Variants in RGS7 observed in about 807,000 individuals in gnomAD.
The protein encoded by RGS7 is regulator of G protein signaling 7.
A neutral mutation model predicts 81.1 loss-of-function variants in RGS7; 27 were observed. That is an observed-to-expected ratio of 0.33 (90% CI 0.25 to 0.46). The LOEUF is 0.46. Among genes scored for constraint, RGS7 ranks in the 20% least tolerant of loss-of-function variants. The pLI, the probability that RGS7 is intolerant of heterozygous loss-of-function variation, is 1.00. For synonymous variants in RGS7, 208 were observed against 207.7 expected (o/e 1.00, Z -0.01); for missense variants, 396 against 607.4 (o/e 0.65, Z 3.66).
intron 3 of RGS7, among the ~76,000 whole-genome samples, chr1:240,983,719 A>G (rs1335322839): frequency 6.6e-6 from 1 of 152,234 alleles, no homozygotes; most frequent in Non-Finnish European, 1.5e-5. Flanking sequence ...AGTACTGTCC[A>G]TGAAACCTCA....
chr1:240,912,344 A>G (rs1469326055), intron 6 of RGS7, among the ~76,000 whole-genome samples: 2 of 152,012 alleles, frequency 1.3e-5, no homozygotes, highest in Non-Finnish European at 2.9e-5. Flanking sequence ...GCAAATATCA[A>G]ATTAATTTGT....
intron 2 of RGS7, among the ~76,000 whole-genome samples, chr1:241,347,469 A>G (rs1228463077): frequency 6.6e-6 from 1 of 152,186 alleles, no homozygotes; most frequent in Non-Finnish European, 1.5e-5. Flanking sequence ...TAAAAAATAG[A>G]TTCCTTTTAT....
At chr1:241,289,875 G>A (rs1032072479) in intron 2 of RGS7, among the ~76,000 whole-genome samples, 2 of 152,026 alleles carry the variant, frequency 1.3e-5, no homozygotes, top group Admixed American at 6.6e-5. Flanking sequence ...GGAGATGAGG[G>A]CAAGCAGAAG....
chr1:241,321,427 C>T (rs2081204415), intron 2 of RGS7, among the ~76,000 whole-genome samples: 1 of 152,164 alleles, frequency 6.6e-6, no homozygotes, highest in South Asian at 2.1e-4. Context: ...GATCCCCCTT[C>T]CACCTCACTC....
intron 3 of RGS7, among the ~76,000 whole-genome samples, chr1:241,040,116 G>A (rs947844057): frequency 6.6e-6 from 1 of 152,160 alleles, no homozygotes; most frequent in African/African-American, 2.4e-5. Flanking sequence ...GTTTTTCCCT[G>A]CAGGAAAACT....
intron 2 of RGS7, among the ~76,000 whole-genome samples, chr1:241,323,428 C>A (rs1014687643): frequency 3.9e-5 from 6 of 152,260 alleles, no homozygotes; most frequent in African/African-American, 1.4e-4. Context: ...TCCTTCCTCC[C>A]TGACCCCGTT....
At chr1:240,971,673 C>T (rs1484635014) in intron 4 of RGS7, among the ~76,000 whole-genome samples, 1 of 152,190 alleles carries the variant, frequency 6.6e-6, no homozygotes, top group Non-Finnish European at 1.5e-5. Flanking sequence ...TAGGTCAAAT[C>T]AATCAATCTT....
Position 240,812,017 on chromosome 1 carries a change from T to A in RGS7, c.983A>T (p.Lys328Ile), listed in dbSNP as rs1689930886. 1.9e-6 allele frequency: 3 copies of A among 1,614,146 alleles called. No homozygotes were observed. Among genetic ancestry groups the A allele is most frequent in the Non-Finnish European group, 2.5e-6 (3 of 1,180,018 alleles). The change falls in exon 14 of 19, where the codon AAA (lysine) becomes ATA (isoleucine). Residue 328 changes from lysine (K) to isoleucine (I), a missense_variant. Physicochemically the swap from Lys to Ile is moderately radical, Grantham distance 102 (BLOSUM62 -3). Coordinates refer to ENST00000440928, the MANE Select transcript of RGS7 (RefSeq NM_001364886.1). The stretch of plus-strand genomic sequence containing the variant: ...CTCGTCCATGCCAAAACCCCATCGT[T>A]TTACCCTCTGCTGGCTCGGTTCTTT... ...ASKEPSQQRV[K>I]RWGFGMDEAL...
intron 2 of RGS7, among the ~76,000 whole-genome samples, chr1:241,215,675 T>C (rs1407454743): frequency 2.6e-5 from 4 of 152,330 alleles, no homozygotes; most frequent in Non-Finnish European, 5.9e-5. Context: ...CCAAGAGATA[T>C]TATTCGGGAA....
intron 9 of RGS7, among the ~76,000 whole-genome samples, chr1:240,849,641 C>T (rs980619204): frequency 6.6e-6 from 1 of 152,036 alleles, no homozygotes; most frequent in African/African-American, 2.4e-5. Flanking sequence ...AGTAAGTTCC[C>T]GAGAGATCTG....
intron 9 of RGS7, among the ~76,000 whole-genome samples, chr1:240,861,443 T>C (rs1662175929): frequency 6.6e-6 from 1 of 152,174 alleles, no homozygotes; most frequent in African/African-American, 2.4e-5. Flanking sequence ...TCATTTTCTA[T>C]CCAGTGATTG....
At chr1:241,346,229 T>G (rs1451134379) in intron 2 of RGS7, among the ~76,000 whole-genome samples, 1 of 152,162 alleles carries the variant, frequency 6.6e-6, no homozygotes, top group East Asian at 1.9e-4. Context: ...AAATAATTTA[T>G]ATCAGTCAGT....
chr1:241,205,076 A>ATTTT (rs10649310), intron 2 of RGS7, among the ~76,000 whole-genome samples: 6 of 126,028 alleles, frequency 4.8e-5, no homozygotes, highest in African/African-American at 8.9e-5. Context: ...TTCATTTGTG[A>ATTTT]TTTTTTTTTT....
At chr1:240,960,540 G>A (rs1313565601) in intron 4 of RGS7, among the ~76,000 whole-genome samples, 2 of 143,992 alleles carry the variant, frequency 1.4e-5, no homozygotes, top group Non-Finnish European at 3.0e-5. Flanking sequence ...CTGTGCCTGG[G>A]CTGTTCTTTT....
At chr1:241,174,849 C>T (rs564263813) in intron 2 of RGS7, among the ~76,000 whole-genome samples, 3 of 146,672 alleles carry the variant, frequency 2.0e-5, no homozygotes, top group African/African-American at 5.0e-5. Context: ...TGTTCAGAAG[C>T]GAAAATGTTT....
chr1:240,779,222 T>C (rs1250499768), intron 18 of RGS7, among the ~76,000 whole-genome samples: 1 of 151,832 alleles, frequency 6.6e-6, no homozygotes, highest in Non-Finnish European at 1.5e-5. Flanking sequence ...CCCCTACCTT[T>C]GGAGGGCCTC....
At chr1:241,290,490 G>A (rs902544616) in intron 2 of RGS7, among the ~76,000 whole-genome samples, 9 of 152,026 alleles carry the variant, frequency 5.9e-5, no homozygotes, top group African/African-American at 1.7e-4. Flanking sequence ...AAAATCATTC[G>A]TTTCATTTTT....
intron 2 of RGS7, among the ~76,000 whole-genome samples, chr1:241,230,773 G>A (rs143113530): frequency 2.9e-4 from 44 of 152,324 alleles, no homozygotes; most frequent in Middle Eastern, 3.4e-3. Flanking sequence ...GCAGTCTTAG[G>A]TGTGCTTGTA....
intron 10 of RGS7, among the ~76,000 whole-genome samples, chr1:240,826,325 G>A (rs1172535748): frequency 6.6e-6 from 1 of 152,188 alleles, no homozygotes; most frequent in African/African-American, 2.4e-5. Flanking sequence ...CTAGGGATGG[G>A]AGAAAATGGC....
Sources: allele counts gnomAD v4.1 joint callset (sites outside exome capture counted in the v4.1 genomes callset), GRCh38; gene constraint gnomAD v4.1.1; transcripts MANE v1.5; gene names NCBI Gene and HGNC (gene_info 2026-07-23, HGNC 2026-07-21).